WDR19: variants seen among roughly 807,000 people sequenced by gnomAD.
WDR19 encodes the protein WD repeat-containing protein 19.
Under a neutral mutation model 180.0 loss-of-function variants are expected in WDR19, and 121 were observed. That is an observed-to-expected ratio of 0.67 (90% CI 0.58 to 0.78). The LOEUF (loss-of-function observed/expected upper bound fraction) is 0.78, where lower values mean the gene tolerates loss of function less well. WDR19 is among the 30% of genes least tolerant of loss of function. The pLI, the probability that WDR19 is intolerant of heterozygous loss-of-function variation, is 0.00. For missense variants in WDR19, 1,450 were observed against 1,640.7 expected (o/e 0.88, Z 2.01); for synonymous variants, 497 against 540.7 (o/e 0.92, Z 1.12).
At chr4:39,218,843 C>G (rs1729363599) in intron 14 of WDR19, 1 of 151,620 alleles carries the variant, frequency 6.6e-6, no homozygotes, top group Non-Finnish European at 1.5e-5. Context: ...TTATTATATC[C>G]TATTCTATAA....
chr4:39,275,100 A>C, intron 33 of WDR19, 142 bp downstream of exon 33: 1 of 1,044,616 alleles, frequency 9.6e-7, no homozygotes, highest in South Asian at 1.4e-5. Flanking sequence ...AACACTTTGG[A>C]AGGCTGAGGT....
At chr4:39,194,153 C>A (rs958724223) in intron 4 of WDR19, among the ~76,000 whole-genome samples, 1 of 152,036 alleles carries the variant, frequency 6.6e-6, no homozygotes, top group Non-Finnish European at 1.5e-5. Context: ...ATGATTTTTA[C>A]CATTTAATAT....
intron 36 of WDR19, among the ~76,000 whole-genome samples, chr4:39,283,590 C>A (rs1295585741): frequency 6.6e-6 from 1 of 151,526 alleles, no homozygotes; most frequent in Non-Finnish European, 1.5e-5. Context: ...GATTAATATC[C>A]TATTATATAT....
At chr4:39,244,699 G>A (rs1732330226) in intron 23 of WDR19, 147 bp downstream of exon 23, 2 of 773,056 alleles carry the variant, frequency 2.6e-6, no homozygotes, top group Non-Finnish European at 4.1e-6. Context: ...GTTCTCCTTA[G>A]ATAAGTTCAT....
At chr4:39,192,914 G>C (rs909814551) in intron 4 of WDR19, among the ~76,000 whole-genome samples, 1 of 152,168 alleles carries the variant, frequency 6.6e-6, no homozygotes, top group Non-Finnish European at 1.5e-5. Flanking sequence ...CAGCCCATGA[G>C]AAAGCACAGC....
intron 28 of WDR19, among the ~76,000 whole-genome samples, chr4:39,259,162 T>C (rs1734041112): frequency 6.6e-6 from 1 of 152,222 alleles, no homozygotes; most frequent in African/African-American, 2.4e-5. Flanking sequence ...GTTCTATCTG[T>C]CTCATTTAGG....
intron 28 of WDR19, among the ~76,000 whole-genome samples, chr4:39,259,990 C>T (rs140525979): frequency 3.9e-4 from 59 of 152,244 alleles, no homozygotes; most frequent in African/African-American, 1.3e-3. Flanking sequence ...TCATGTATTA[C>T]ATTTAGTTTA....
intron 24 of WDR19, among the ~76,000 whole-genome samples, chr4:39,246,810 G>T (rs1732573733): frequency 6.6e-6 from 1 of 152,338 alleles, no homozygotes; most frequent in South Asian, 2.1e-4. Context: ...TGGTGGACGG[G>T]CGCCCGCCAT....
intron 20 of WDR19, 35 bp downstream of exon 20, chr4:39,234,910 C>T (rs1420536088): frequency 3.0e-6 from 4 of 1,315,470 alleles, no homozygotes; most frequent in Non-Finnish European, 4.3e-6. Context: ...CAGTCAGTAG[C>T]TAATGACTGC....
intron 24 of WDR19, among the ~76,000 whole-genome samples, chr4:39,250,934 G>A (rs554336355): frequency 2.6e-5 from 4 of 152,124 alleles, no homozygotes; most frequent in Non-Finnish European, 5.9e-5. Flanking sequence ...CCATACTGCC[G>A]AAGGTAATTT....
chr4:39,254,855 C>G (rs1027878633), intron 26 of WDR19, among the ~76,000 whole-genome samples: 8 of 152,028 alleles, frequency 5.3e-5, no homozygotes, highest in African/African-American at 1.9e-4. Flanking sequence ...ATTCATGGTA[C>G]CTCGTATAAG....
rs1348338113 is a variant in WDR19, at chr4:39,236,804, T to C, written c.2363+1929T>C. Reference sequence around the variant, plus strand: ...TTGCCTTTGGAAATTCCATAATCTATTCTGAGAAATTTAGAATTTTCTAGT... The same window carrying C: ...TTGCCTTTGGAAATTCCATAATCTACTCTGAGAAATTTAGAATTTTCTAGT... On this transcript the variant is annotated intron_variant, in intron 20 of 36. Transcript: ENST00000399820. 6.6e-5 allele frequency among the ~76,000 whole-genome samples: 10 copies of C among 152,194 alleles called. No individual in the cohort carries two copies. In the East Asian group the frequency reaches 1.9e-3, roughly 29 times the overall value.
Position 39,255,505 on chromosome 4 carries a change from T to C in WDR19, c.3002-343T>C, listed in dbSNP as rs1281143945. 2.6e-5 allele frequency among the ~76,000 whole-genome samples: 4 copies of C among 152,316 alleles called. No homozygotes were observed. In the East Asian group the frequency reaches 7.7e-4, roughly 29 times the overall value. Reference sequence around the variant, plus strand: ...AGTCATATCTTTAACCAGCATCTACTGGCTACTTGAATGTCATCTTCCCTA... The same window carrying C: ...AGTCATATCTTTAACCAGCATCTACCGGCTACTTGAATGTCATCTTCCCTA... On this transcript the variant is annotated intron_variant, in intron 26 of 36. Transcript: ENST00000399820.
intron 3 of WDR19, among the ~76,000 whole-genome samples, chr4:39,187,608 G>T (rs886377322): frequency 6.6e-6 from 1 of 151,924 alleles, no homozygotes; most frequent in Non-Finnish European, 1.5e-5. Context: ...TATCATTTTG[G>T]CATTTTCCAT....
intron 1 of WDR19, among the ~76,000 whole-genome samples, chr4:39,182,910 CGT>C (rs1725097065): frequency 1.3e-5 from 2 of 152,204 alleles, no homozygotes; most frequent in South Asian, 4.1e-4. Flanking sequence ...CGAGTTAACG[CGT>C]TTGGAGGGTC....
intron 28 of WDR19, among the ~76,000 whole-genome samples, chr4:39,264,731 T>C (rs914118312): frequency 6.6e-6 from 1 of 152,172 alleles, no homozygotes; most frequent in Non-Finnish European, 1.5e-5. Context: ...TCACCCCTTT[T>C]TAATAGACAC....
chr4:39,227,907 C>G (rs909554074), intron 15 of WDR19, among the ~76,000 whole-genome samples: 1 of 152,114 alleles, frequency 6.6e-6, no homozygotes, highest in Non-Finnish European at 1.5e-5. Flanking sequence ...TTTCTGTCAT[C>G]CTGAGCAGCT....
intron 13 of WDR19, 72 bp downstream of exon 13, chr4:39,217,312 T>C: frequency 7.9e-7 from 1 of 1,262,312 alleles, no homozygotes; most frequent in Non-Finnish European, 1.1e-6. Context: ...TTATCAAGAA[T>C]ATTGGTCAGG....
intron 1 of WDR19, among the ~76,000 whole-genome samples, chr4:39,183,498 C>T (rs1484797525): frequency 6.6e-6 from 1 of 152,096 alleles, no homozygotes; most frequent in African/African-American, 2.4e-5. Flanking sequence ...ATCCCCCGAC[C>T]TCGGGCTCCC....
Sources: gnomAD v4.1 joint callset for allele counts (sites outside exome capture counted in the v4.1 genomes callset) on GRCh38, gnomAD v4.1.1 for gene constraint, MANE v1.5 for transcripts, NCBI Gene and HGNC (gene_info 2026-07-23, HGNC 2026-07-21) for gene names.